Variants in PCLO observed in about 807,000 individuals in gnomAD.
The protein encoded by PCLO is piccolo presynaptic cytomatrix protein, also known as protein piccolo.
In PCLO, 82 loss-of-function variants were observed where a neutral mutation model predicts 427.5. The ratio of observed to expected loss-of-function variants is 0.19; its 90% CI spans 0.16 to 0.23. The LOEUF is 0.23. Among genes scored for constraint, PCLO ranks in the 10% least tolerant of loss-of-function variants. PCLO has a pLI of 1.00. For missense variants in PCLO, 6,239 were observed against 6,115.9 expected, an observed-to-expected ratio of 1.02 and a Z score of -0.67; for synonymous variants, 2,357 against 2,155.4, an observed-to-expected ratio of 1.09 and a Z score of -2.59.
chr7:82,761,150 C>T (rs35172911), intron 23 of PCLO, among the ~76,000 whole-genome samples: 4 of 151,450 alleles, frequency 2.6e-5, no homozygotes, highest in East Asian at 1.9e-4. Context: ...AATTGTCCTT[C>T]TGTTGGCTAA....
intron 3 of PCLO, among the ~76,000 whole-genome samples, chr7:83,130,079 C>A (rs1791531939): frequency 6.6e-6 from 1 of 151,600 alleles, no homozygotes; most frequent in South Asian, 2.1e-4. Flanking sequence ...CAGGTGTATT[C>A]TTTGCCATGG....
chr7:82,813,422 C>G (rs1174790935), intron 20 of PCLO, among the ~76,000 whole-genome samples: 3 of 151,648 alleles, frequency 2.0e-5, no homozygotes, highest in African/African-American at 7.2e-5. Flanking sequence ...AGAGGCAGAA[C>G]AAATAAATTA....
At chr7:82,948,790 AATT>A (rs1490317528) in intron 6 of PCLO, among the ~76,000 whole-genome samples, 1 of 152,114 alleles carries the variant, frequency 6.6e-6, no homozygotes, top group Admixed American at 6.5e-5. Context: ...AAACATGAAA[AATT>A]ATTTTTGCTT....
chr7:82,909,350 T>A (rs916761372), intron 7 of PCLO, among the ~76,000 whole-genome samples: 12 of 152,114 alleles, frequency 7.9e-5, no homozygotes, highest in African/African-American at 2.9e-4. Flanking sequence ...TTCAAAAGGA[T>A]CATTCTATTT....
At chr7:82,919,034 A>G (rs1279108100) in intron 6 of PCLO, among the ~76,000 whole-genome samples, 1 of 151,938 alleles carries the variant, frequency 6.6e-6, no homozygotes, top group Non-Finnish European at 1.5e-5. Flanking sequence ...CACATTACAA[A>G]TAGTTATATA....
intron 22 of PCLO, among the ~76,000 whole-genome samples, chr7:82,764,368 C>T (rs1435248122): frequency 6.6e-6 from 1 of 151,632 alleles, no homozygotes; most frequent in Non-Finnish European, 1.5e-5. Flanking sequence ...AACCCAGAGG[C>T]CAAGTGGAGA....
intron 10 of PCLO, among the ~76,000 whole-genome samples, chr7:82,875,222 C>G (rs1793340670): frequency 6.6e-6 from 1 of 152,042 alleles, no homozygotes; most frequent in Non-Finnish European, 1.5e-5. Flanking sequence ...TGATTGACAA[C>G]TAAAAAATTG....
intron 10 of PCLO, among the ~76,000 whole-genome samples, chr7:82,869,249 T>C (rs1793172374): frequency 6.6e-6 from 1 of 152,128 alleles, no homozygotes; most frequent in Admixed American, 6.6e-5. Flanking sequence ...CCATATAATA[T>C]TGTTAATAAG....
intron 20 of PCLO, chr7:82,821,343 G>A (rs1584010170): frequency 1.0e-6 from 1 of 985,922 alleles, no homozygotes; most frequent in Non-Finnish European, 1.2e-6. Flanking sequence ...ATCCTCAGAT[G>A]GAACCAGCTT....
intron 3 of PCLO, among the ~76,000 whole-genome samples, chr7:83,090,897 T>C (rs78394440): frequency 0.025 from 3,755 of 152,230 alleles, 156 homozygotes; most frequent in African/African-American, 0.085. Context: ...GAGTACTTCC[T>C]TTTGATTAGT....
intron 10 of PCLO, among the ~76,000 whole-genome samples, chr7:82,857,043 A>T (rs2115884918): frequency 6.6e-6 from 1 of 152,262 alleles, no homozygotes; most frequent in South Asian, 2.1e-4. Context: ...ATGACACAGC[A>T]AGAAGGTCCT....
intron 3 of PCLO, among the ~76,000 whole-genome samples, chr7:83,030,688 A>G (rs1788645180): frequency 6.6e-6 from 1 of 152,224 alleles, no homozygotes; most frequent in Non-Finnish European, 1.5e-5. Flanking sequence ...GCAGAAATCT[A>G]TGATGAATAA....
intron 2 of PCLO, among the ~76,000 whole-genome samples, chr7:83,137,581 C>T (rs1012059262): frequency 6.6e-6 from 1 of 152,132 alleles, no homozygotes. Flanking sequence ...TAGGCGCCCA[C>T]CACCACGCCC....
chr7:82,905,857 GT>G, intron 8 of PCLO, among the ~76,000 whole-genome samples: 1 of 151,982 alleles, frequency 6.6e-6, no homozygotes, highest in East Asian at 1.9e-4. Flanking sequence ...TAGTCAAGAA[GT>G]GCTGACCTTT....
intron 3 of PCLO, among the ~76,000 whole-genome samples, chr7:83,133,478 T>C (rs1056887227): frequency 2.0e-5 from 3 of 152,086 alleles, no homozygotes; most frequent in Non-Finnish European, 4.4e-5. Context: ...ATTCATTCTT[T>C]TATAACTATA....
In PCLO at chr7:82,940,324, G is replaced by A. The variant is rs184070696; in HGVS notation, c.11112+9152C>T. ...TACGTGTCACACTGAATAAATTTAT[G>A]CACATTTATTCATGTCGAAAGGAAA... On this transcript the variant is annotated intron_variant, in intron 6 of 24. Transcript: ENST00000333891. Among the ~76,000 whole-genome samples, 23 of 152,166 alleles carry A rather than the reference G, an allele frequency of 1.5e-4. 1 individual carries two copies. The highest frequency in any genetic ancestry group is 5.5e-4 in the African/African-American group (23 of 41,546).
intron 3 of PCLO, among the ~76,000 whole-genome samples, chr7:83,025,842 T>G (rs945032902): frequency 6.6e-6 from 1 of 151,964 alleles, no homozygotes; most frequent in African/African-American, 2.4e-5. Flanking sequence ...GAATTTCATA[T>G]CCAGCCAAAC....
At chr7:83,150,174 T>A (rs1166192690) in intron 2 of PCLO, among the ~76,000 whole-genome samples, 4 of 152,156 alleles carry the variant, frequency 2.6e-5, no homozygotes, top group Non-Finnish European at 5.9e-5. Flanking sequence ...ATATCTTGAG[T>A]GAGGCTACAT....
rs565452812 is a variant in PCLO at position 83,150,091 on chromosome 7, A to C, written c.1893+4657T>G. ...GAAAAGTGATAAGTCGTTTTCATTT[A>C]TTATGAAATTTAATAAGAGTTGGGA... On this transcript the variant is annotated intron_variant, in intron 2 of 24. Coordinates refer to ENST00000333891, the MANE Select transcript of PCLO (RefSeq NM_033026.6). Among the ~76,000 whole-genome samples, 16 of 152,318 alleles carry C rather than the reference A, an allele frequency of 1.1e-4. No individual in the cohort carries two copies. The South Asian group carries it at 3.3e-3, about 32-fold the overall frequency.
Sources: gnomAD v4.1 joint callset for allele counts (sites outside exome capture counted in the v4.1 genomes callset) on GRCh38, gnomAD v4.1.1 for gene constraint, MANE v1.5 for transcripts, NCBI Gene and HGNC (gene_info 2026-07-23, HGNC 2026-07-21) for gene names.